Variants in MAF observed in about 807,000 individuals in gnomAD.
MAF encodes transcription factor Maf.
MAF carries 10 observed loss-of-function variants against 22.0 expected under a neutral mutation model. The observed-to-expected ratio is 0.45, with a 90% CI of 0.28 to 0.77. The LOEUF (loss-of-function observed/expected upper bound fraction) is 0.77, where lower values mean the gene tolerates loss of function less well. Among genes scored for constraint, MAF ranks in the 30% least tolerant of loss-of-function variants. The pLI is 0.12. For synonymous variants in MAF, 337 were observed against 255.8 expected, an observed-to-expected ratio of 1.32 and a Z score of -3.03; for missense variants, 544 against 548.4, an observed-to-expected ratio of 0.99 and a Z score of 0.08.
chr16:79,525,541 GA>G, the MAF span, among the ~76,000 whole-genome samples: 1 of 152,126 alleles, frequency 6.6e-6, no homozygotes, highest in African/African-American at 2.4e-5. Context: ...GGAGAGAGAG[GA>G]AAAAGAGTAA....
chr16:79,461,360 C>T, the MAF span, among the ~76,000 whole-genome samples: 1 of 152,166 alleles, frequency 6.6e-6, no homozygotes, highest in Non-Finnish European at 1.5e-5. Context: ...TCAGCTGTCT[C>T]TCTACGGCAG....
At chr16:79,381,039 G>T in the MAF span, among the ~76,000 whole-genome samples, 7 of 152,372 alleles carry the variant, frequency 4.6e-5, no homozygotes. Context: ...CTGAAGGGCA[G>T]GCTGGCAGGG....
At chr16:79,229,714 G>A in the MAF span, among the ~76,000 whole-genome samples, 2 of 152,032 alleles carry the variant, frequency 1.3e-5, no homozygotes, top group East Asian at 3.9e-4. Context: ...GCTATCTAGA[G>A]GAGTGCACCG....
At chr16:79,381,440 A>G in the MAF span, among the ~76,000 whole-genome samples, 1 of 152,340 alleles carries the variant, frequency 6.6e-6, no homozygotes, top group Non-Finnish European at 1.5e-5. Context: ...AACAGAAGGA[A>G]GAAAAAACGA....
the MAF span, among the ~76,000 whole-genome samples, chr16:79,300,794 T>A: frequency 2.6e-5 from 4 of 152,050 alleles, no homozygotes; most frequent in African/African-American, 9.7e-5. Context: ...AGAGCAATGA[T>A]TTGTGTTCAG....
the MAF span, among the ~76,000 whole-genome samples, chr16:79,537,929 C>T: frequency 6.6e-6 from 1 of 152,042 alleles, no homozygotes; most frequent in South Asian, 2.1e-4. Context: ...ACTATTTAAC[C>T]CCATTTCACA....
the MAF span, among the ~76,000 whole-genome samples, chr16:79,292,221 T>G: frequency 6.6e-6 from 1 of 152,142 alleles, no homozygotes; most frequent in Admixed American, 6.5e-5. Context: ...TTTGCTGATG[T>G]GATCAAGTTA....
chr16:79,435,945 G>A, the MAF span, among the ~76,000 whole-genome samples: 1 of 152,214 alleles, frequency 6.6e-6, no homozygotes, highest in Non-Finnish European at 1.5e-5. Flanking sequence ...TCATTAGCAA[G>A]AAGGGTGCAG....
At chr16:79,536,585 T>C in the MAF span, among the ~76,000 whole-genome samples, 2 of 152,190 alleles carry the variant, frequency 1.3e-5, no homozygotes, top group Non-Finnish European at 1.5e-5. Context: ...GAGGTTGCAG[T>C]GAGCCCAGAT....
At chr16:79,375,313 G>A in the MAF span, among the ~76,000 whole-genome samples, 1 of 152,284 alleles carries the variant, frequency 6.6e-6, no homozygotes, top group East Asian at 1.9e-4. Context: ...GCAAATAAGA[G>A]AGAATCCCTC....
chr16:79,553,739 C>T, the MAF span, among the ~76,000 whole-genome samples: 1 of 152,188 alleles, frequency 6.6e-6, no homozygotes, highest in Non-Finnish European at 1.5e-5. Context: ...CACGGTTCTA[C>T]AGTTCTCTTC....
the MAF span, among the ~76,000 whole-genome samples, chr16:79,305,448 T>C: frequency 6.6e-6 from 1 of 152,050 alleles, no homozygotes; most frequent in African/African-American, 2.4e-5. Context: ...CTGGGGCTTG[T>C]GGGGAGTGTG....
chr16:79,407,750 T>A, the MAF span, among the ~76,000 whole-genome samples: 6 of 152,144 alleles, frequency 3.9e-5, no homozygotes, highest in East Asian at 7.8e-4. Context: ...AGAGCACCCC[T>A]CCGTCCTGAC....
the MAF span, among the ~76,000 whole-genome samples, chr16:79,476,847 T>C: frequency 6.6e-6 from 1 of 152,220 alleles, no homozygotes; most frequent in African/African-American, 2.4e-5. Context: ...GGTGTCTCCA[T>C]CACTGACATT....
chr16:79,255,598 C>T, the MAF span, among the ~76,000 whole-genome samples: 1 of 152,316 alleles, frequency 6.6e-6, no homozygotes, highest in South Asian at 2.1e-4. Context: ...GAGCCCTTAG[C>T]TGAGGGGGTC....
the MAF span, among the ~76,000 whole-genome samples, chr16:79,267,926 C>G: frequency 0.072 from 10,923 of 151,886 alleles, 539 homozygotes; most frequent in Middle Eastern, 0.12. Context: ...TCTCAGGTGC[C>G]TGGGGGTGTG....
At chr16:79,259,524 C>T in the MAF span, among the ~76,000 whole-genome samples, 2 of 152,160 alleles carry the variant, frequency 1.3e-5, no homozygotes, top group African/African-American at 4.8e-5. Flanking sequence ...TCCTTCATGG[C>T]CACACACATC....
At chr16:79,384,504 T>C in the MAF span, among the ~76,000 whole-genome samples, 1 of 142,002 alleles carries the variant, frequency 7.0e-6, no homozygotes, top group African/African-American at 2.6e-5. Flanking sequence ...ACGCCTGTAA[T>C]CCCAGCACTT....
chr16:79,360,028 G>A, the MAF span, among the ~76,000 whole-genome samples: 5 of 152,166 alleles, frequency 3.3e-5, no homozygotes, highest in Non-Finnish European at 4.4e-5. Flanking sequence ...GAGCAATTGG[G>A]GAAGAGGGTG....
Sources: allele counts gnomAD v4.1 joint callset (sites outside exome capture counted in the v4.1 genomes callset), GRCh38; gene constraint gnomAD v4.1.1; transcripts MANE v1.5; gene names NCBI Gene and HGNC (gene_info 2026-07-23, HGNC 2026-07-21).